The following CCBE1 variants were observed in gnomAD, a reference collection of about 807,000 sequenced individuals.
CCBE1 encodes the protein collagen and calcium binding EGF domains 1.
CCBE1 carries 37 observed loss-of-function variants against 50.0 expected under a neutral mutation model. That is an observed-to-expected ratio of 0.74 (90% CI 0.57 to 0.97). The LOEUF is 0.97. Among genes scored for constraint, CCBE1 ranks in the 50% least tolerant of loss-of-function variants. The pLI is 0.00. For missense variants in CCBE1, 538 were observed against 523.8 expected (o/e 1.03, Z -0.26); for synonymous variants, 234 against 203.7 (o/e 1.15, Z -1.27).
intron 2 of CCBE1, chr18:59,666,206 T>C (rs1315828806): frequency 2.0e-5 from 3 of 152,060 alleles, no homozygotes; most frequent in African/African-American, 7.2e-5. Flanking sequence ...AACCATCAGA[T>C]CTCGTGAGAC....
intron 2 of CCBE1, among the ~76,000 whole-genome samples, chr18:59,583,251 C>T (rs564328219): frequency 1.4e-5 from 2 of 139,372 alleles, no homozygotes; most frequent in Non-Finnish European, 3.2e-5. Flanking sequence ...ATTGTAAGCC[C>T]ACAGAAAAAA....
chr18:59,544,570 T>C (rs886101757), intron 2 of CCBE1, among the ~76,000 whole-genome samples: 7 of 152,230 alleles, frequency 4.6e-5, no homozygotes, highest in African/African-American at 1.7e-4. Context: ...GTCCTTCCCT[T>C]TCCCTTTCGA....
intron 2 of CCBE1, among the ~76,000 whole-genome samples, chr18:59,553,414 C>A (rs1225644191): frequency 1.3e-5 from 2 of 152,198 alleles, no homozygotes; most frequent in African/African-American, 4.8e-5. Flanking sequence ...TACACACACA[C>A]AACCATTGAA....
chr18:59,431,000 C>T lies in CCBE1; in HGVS notation c.*4908G>A, dbSNP rs974478600. On this transcript the variant is annotated 3_prime_UTR_variant, in exon 11 of 11. Transcript: ENST00000439986. ...ATAACAAAAGTACATCATAGTATCA[C>T]ATCCATAATTGCTTGAATGCTAACT... 1.1e-4 allele frequency: 16 copies of T among 152,188 alleles called. No individual in the cohort carries two copies. The highest frequency in any genetic ancestry group is 2.9e-5 in the Non-Finnish European group (2 of 68,042). The allele number at this position is 152,188 out of a possible 1,614,324, so 9.4% of individuals were successfully genotyped here.
At chr18:59,592,321 AG>A (rs1445190194) in intron 2 of CCBE1, among the ~76,000 whole-genome samples, 1 of 152,212 alleles carries the variant, frequency 6.6e-6, no homozygotes, top group African/African-American at 2.4e-5. Flanking sequence ...CTTGGGTCCT[AG>A]CCCCAAAAAA....
intron 2 of CCBE1, among the ~76,000 whole-genome samples, chr18:59,565,296 G>C (rs759327631): frequency 1.3e-5 from 2 of 152,226 alleles, no homozygotes; most frequent in Non-Finnish European, 2.9e-5. Context: ...GAAGTGTTTT[G>C]TTCAGAACAG....
chr18:59,589,790 C>CAAAAAAAA (rs752546235), intron 2 of CCBE1, among the ~76,000 whole-genome samples: 7 of 73,110 alleles, frequency 9.6e-5, no homozygotes, highest in South Asian at 9.4e-4. Flanking sequence ...GACTCCATCT[C>CAAAAAAAA]AAAAAAAAAA....
intron 2 of CCBE1, among the ~76,000 whole-genome samples, chr18:59,616,429 CA>C (rs2053637562): frequency 6.6e-6 from 1 of 152,202 alleles, no homozygotes; most frequent in Non-Finnish European, 1.5e-5. Context: ...AAAGTTGGAT[CA>C]GCTTCAAGTA....
At chr18:59,522,438 C>A (rs1042542677) in intron 2 of CCBE1, among the ~76,000 whole-genome samples, 2 of 152,062 alleles carry the variant, frequency 1.3e-5, no homozygotes, top group African/African-American at 4.8e-5. Context: ...TAAATGTCAG[C>A]TATAGACACA....
At chr18:59,540,169 T>C (rs1021911960) in intron 2 of CCBE1, among the ~76,000 whole-genome samples, 2 of 152,210 alleles carry the variant, frequency 1.3e-5, no homozygotes, top group Non-Finnish European at 2.9e-5. Context: ...ATTGATAAAC[T>C]TATTATAAGT....
chr18:59,633,255 C>A (rs1260729998), intron 2 of CCBE1, among the ~76,000 whole-genome samples: 1 of 152,214 alleles, frequency 6.6e-6, no homozygotes, highest in Non-Finnish European at 1.5e-5. Context: ...AAGACTAAAA[C>A]TTCCTTATTC....
At chr18:59,485,579 A>G (rs7229774) in intron 2 of CCBE1, among the ~76,000 whole-genome samples, 11,600 of 116,346 alleles carry the variant, frequency 0.1, 900 homozygotes, top group East Asian at 0.38. Flanking sequence ...CGCCAGATAT[A>G]TCAGATATTT....
At chr18:59,621,701 G>C (rs974147678) in intron 2 of CCBE1, among the ~76,000 whole-genome samples, 3 of 152,154 alleles carry the variant, frequency 2.0e-5, no homozygotes, top group African/African-American at 7.2e-5. Flanking sequence ...ATATCTCTCC[G>C]ACTCTGAAGC....
chr18:59,628,981 T>C (rs957482832), intron 2 of CCBE1, among the ~76,000 whole-genome samples: 13 of 152,190 alleles, frequency 8.5e-5, no homozygotes, highest in Non-Finnish European at 1.3e-4. Flanking sequence ...TCATTATCAC[T>C]GCCACAGCCT....
At chr18:59,482,090 C>T (rs1034192251) in intron 2 of CCBE1, among the ~76,000 whole-genome samples, 2 of 152,168 alleles carry the variant, frequency 1.3e-5, no homozygotes, top group Non-Finnish European at 2.9e-5. Context: ...ATGTTCCTGT[C>T]CCTGTGTCCA....
At chr18:59,547,675 C>T (rs1915759521) in intron 2 of CCBE1, among the ~76,000 whole-genome samples, 1 of 152,148 alleles carries the variant, frequency 6.6e-6, no homozygotes, top group Admixed American at 6.5e-5. Flanking sequence ...CAATTTTGGT[C>T]TAATGAGTGC....
chr18:59,675,294 T>C (rs1397803430), intron 2 of CCBE1, among the ~76,000 whole-genome samples: 1 of 152,322 alleles, frequency 6.6e-6, no homozygotes, highest in South Asian at 2.1e-4. Context: ...AATTTCTGCA[T>C]TGTGTACCAA....
At chr18:59,517,582 C>G (rs1914426516) in intron 2 of CCBE1, among the ~76,000 whole-genome samples, 1 of 152,164 alleles carries the variant, frequency 6.6e-6, no homozygotes, top group Non-Finnish European at 1.5e-5. Context: ...ATCATTGGAC[C>G]CGAAGTCATA....
chr18:59,629,912 C>T (rs1357125638), intron 2 of CCBE1, among the ~76,000 whole-genome samples: 1 of 152,172 alleles, frequency 6.6e-6, no homozygotes, highest in Non-Finnish European at 1.5e-5. Context: ...CATCCCAGTT[C>T]TCTGCGTGAC....
Sources: allele counts gnomAD v4.1 joint callset (sites outside exome capture counted in the v4.1 genomes callset), GRCh38; gene constraint gnomAD v4.1.1; transcripts MANE v1.5; gene names NCBI Gene and HGNC (gene_info 2026-07-23, HGNC 2026-07-21).